MYO1H: variants seen among roughly 807,000 people sequenced by gnomAD.
MYO1H encodes the protein myosin IH.
MYO1H carries 118 observed loss-of-function variants against 149.3 expected under a neutral mutation model. The observed-to-expected ratio is 0.79, with a 90% CI of 0.68 to 0.92. MYO1H has a LOEUF of 0.92. MYO1H is among the 40% of genes least tolerant of loss of function. The pLI is 0.00. For missense variants in MYO1H, 1,212 were observed against 1,280.7 expected (o/e 0.95, Z 0.82); for synonymous variants, 447 against 465.2 (o/e 0.96, Z 0.50).
At chr12:109,422,214 A>T (rs1167053366) in intron 16 of MYO1H, among the ~76,000 whole-genome samples, 1 of 152,248 alleles carries the variant, frequency 6.6e-6, no homozygotes, top group African/African-American at 2.4e-5. Context: ...TTAAAAGCTT[A>T]ACCCTAAAGG....
At chr12:109,446,888 ACT>A (rs1872504625) in intron 31 of MYO1H, among the ~76,000 whole-genome samples, 1 of 152,210 alleles carries the variant, frequency 6.6e-6, no homozygotes, top group African/African-American at 2.4e-5. Flanking sequence ...TAGTTTACAC[ACT>A]GTCTTAAAAG....
chr12:109,348,965 C>T (rs1173823776), intron 1 of MYO1H, among the ~76,000 whole-genome samples: 1 of 152,172 alleles, frequency 6.6e-6, no homozygotes. Context: ...AATACTGTCA[C>T]CTTGGCAACT....
the MYO1H span, among the ~76,000 whole-genome samples, chr12:109,321,978 C>T: frequency 2.6e-5 from 4 of 152,216 alleles, no homozygotes; most frequent in East Asian, 1.9e-4. Flanking sequence ...AAAGGGAACA[C>T]ATCTGAAGGT....
intron 1 of MYO1H, among the ~76,000 whole-genome samples, chr12:109,385,842 C>T (rs1869294593): frequency 6.6e-6 from 1 of 152,278 alleles, no homozygotes; most frequent in Middle Eastern, 3.4e-3. Context: ...ATTCATACCT[C>T]CAGCCAATCC....
chr12:109,328,746 T>C, the MYO1H span, among the ~76,000 whole-genome samples: 1 of 152,190 alleles, frequency 6.6e-6, no homozygotes, highest in Non-Finnish European at 1.5e-5. Flanking sequence ...TCGCTAAATA[T>C]TGTATCACAA....
At chr12:109,421,113 A>ATTTTT (rs57928470) in intron 16 of MYO1H, 86 bp downstream of exon 16, 1 of 755,982 alleles carries the variant, frequency 1.3e-6, no homozygotes, top group Admixed American at 3.1e-5. Flanking sequence ...CGCCTTCTGG[A>ATTTTT]TTTTTTTTTT....
the MYO1H span, among the ~76,000 whole-genome samples, chr12:109,325,577 G>A: frequency 6.6e-6 from 1 of 152,148 alleles, no homozygotes; most frequent in Non-Finnish European, 1.5e-5. Flanking sequence ...AGGCAAAATT[G>A]ACAAATGGGA....
intron 1 of MYO1H, among the ~76,000 whole-genome samples, chr12:109,348,857 T>C (rs899322458): frequency 3.3e-5 from 5 of 152,206 alleles, no homozygotes; most frequent in Non-Finnish European, 7.3e-5. Context: ...GTTAGAATAA[T>C]TTCGTAGCTG....
intron 17 of MYO1H, 34 bp from the exon 18 acceptor site, chr12:109,425,912 C>A: frequency 6.8e-7 from 1 of 1,466,826 alleles, no homozygotes; most frequent in Non-Finnish European, 9.4e-7. Flanking sequence ...ATCTCTCTGG[C>A]TCGTTCTCTC....
At chr12:109,399,167 A>G (rs1384426428) in intron 5 of MYO1H, among the ~76,000 whole-genome samples, 1 of 152,182 alleles carries the variant, frequency 6.6e-6, no homozygotes. Flanking sequence ...TTTAATAGCT[A>G]TGCATATTTG....
At chr12:109,370,068 A>G (rs902978855) in intron 1 of MYO1H, among the ~76,000 whole-genome samples, 3 of 152,128 alleles carry the variant, frequency 2.0e-5, no homozygotes, top group Non-Finnish European at 4.4e-5. Context: ...CCGTGATTCA[A>G]TTACCTCCCA....
Position 109,442,198 on chromosome 12 carries a change from C to T in MYO1H, c.2633-19C>T, listed in dbSNP as rs778061754. 6.2e-7 allele frequency: 1 copy of T among 1,612,210 alleles called. No homozygotes were observed. The highest frequency in any genetic ancestry group is 1.7e-5 in the Admixed American group (1 of 60,018). ...TGGTACTTTAGTGATGATTCATGGC[C>T]TTCTGGTTCCCTCTCTAGATGAAGG... On this transcript the variant is annotated intron_variant, in intron 26 of 31. Transcript: ENST00000310903.
chr12:109,445,001 C>G (rs982758408), intron 30 of MYO1H, among the ~76,000 whole-genome samples: 1 of 152,182 alleles, frequency 6.6e-6, no homozygotes, highest in Non-Finnish European at 1.5e-5. Context: ...ACATCCTCGC[C>G]CCTTCCCATA....
intron 15 of MYO1H, among the ~76,000 whole-genome samples, chr12:109,417,096 G>A (rs748749223): frequency 4.0e-4 from 61 of 152,180 alleles, no homozygotes; most frequent in Non-Finnish European, 6.9e-4. Context: ...GCTTGAACCG[G>A]GGAGGCAGAG....
At chr12:109,432,516 G>A (rs1392422427) in intron 19 of MYO1H, among the ~76,000 whole-genome samples, 1 of 152,104 alleles carries the variant, frequency 6.6e-6, no homozygotes, top group African/African-American at 2.4e-5. Context: ...CCACCTTTTG[G>A]CTATTATGAA....
At chr12:109,355,170 C>G (rs922148855) in intron 1 of MYO1H, among the ~76,000 whole-genome samples, 1 of 152,072 alleles carries the variant, frequency 6.6e-6, no homozygotes, top group Non-Finnish European at 1.5e-5. Context: ...TGTGAGCCCC[C>G]TTTTCTACCC....
intron 1 of MYO1H, among the ~76,000 whole-genome samples, chr12:109,367,508 C>T (rs995461120): frequency 1.1e-4 from 17 of 151,878 alleles, no homozygotes; most frequent in Admixed American, 3.3e-4. Context: ...GGGGAAGTTG[C>T]GGCAATCTTT....
At chr12:109,424,611 C>G (rs1186852061) in intron 16 of MYO1H, 137 bp from the exon 17 acceptor site, 10 of 614,516 alleles carry the variant, frequency 1.6e-5, no homozygotes, top group Non-Finnish European at 2.9e-5. Context: ...GTTCCCCTTT[C>G]TTTACATTAG....
chr12:109,443,194 A>ATGTGTG lies in MYO1H; in HGVS notation c.2689-319_2689-318insGTGTGT, dbSNP rs1320129107. Among the ~76,000 whole-genome samples, 183 of 110,130 alleles carry ATGTGTG rather than the reference A, an allele frequency of 1.7e-3. 47 individuals are homozygous for ATGTGTG. Among genetic ancestry groups the ATGTGTG allele is most frequent in the African/African-American group, 8.9e-3 (172 of 19,330 alleles). 72.2% of individuals were successfully genotyped at this position (110,130 alleles called of 152,430 possible). On this transcript the variant is annotated intron_variant, in intron 27 of 31. Transcript: ENST00000310903. ...TACGTATGTGTGTATATGTGTACGT[A>ATGTGTG]TATGTGTGTATATGTGTACGTATAT...
Sources: gnomAD v4.1 joint callset for allele counts (sites outside exome capture counted in the v4.1 genomes callset) on GRCh38, gnomAD v4.1.1 for gene constraint, MANE v1.5 for transcripts, NCBI Gene and HGNC (gene_info 2026-07-23, HGNC 2026-07-21) for gene names.